PTPRD: variants seen among roughly 807,000 people sequenced by gnomAD.
PTPRD encodes the protein protein tyrosine phosphatase receptor type D.
A neutral mutation model predicts 214.5 loss-of-function variants in PTPRD; 34 were observed. That is an observed-to-expected ratio of 0.16 (90% confidence interval 0.12 to 0.21). The LOEUF is 0.21. Ranked by LOEUF, PTPRD falls within the 10% of genes least tolerant of loss-of-function variation. PTPRD has a pLI of 1.00. For missense variants in PTPRD, 2,545 were observed against 2,398.7 expected, an observed-to-expected ratio of 1.06 and a Z score of -1.27; for synonymous variants, 1,128 against 845.7, an observed-to-expected ratio of 1.33 and a Z score of -5.79.
At position 9,004,720 on chromosome 9, in the gene PTPRD, G is replaced by C. The variant is rs529681712; in HGVS notation, c.-104+13977C>G. Among the ~76,000 whole-genome samples, 8 of 152,172 alleles carry C rather than the reference G, an allele frequency of 5.3e-5. No homozygotes were observed. In the South Asian group the frequency reaches 8.3e-4, roughly 16 times the overall value. On this transcript the variant is annotated intron_variant, in intron 11 of 45. Coordinates refer to ENST00000381196, the MANE Select transcript of PTPRD (RefSeq NM_002839.4). ...GGAGGGCAAAACTGCCTGTATACCA[G>C]AGGTAGGACTGAAAATCAAACCTCC...
intron 10 of PTPRD, among the ~76,000 whole-genome samples, chr9:9,068,745 G>A (rs747689973): frequency 2.6e-5 from 4 of 151,982 alleles, no homozygotes; most frequent in African/African-American, 4.8e-5. Flanking sequence ...CCTAGTAGCT[G>A]GGATTACAGG....
At chr9:10,028,825 G>A (rs185265876) in intron 4 of PTPRD, among the ~76,000 whole-genome samples, 12 of 152,298 alleles carry the variant, frequency 7.9e-5, no homozygotes, top group Admixed American at 7.8e-4. Context: ...ATTCAAGTCG[G>A]CTGCAGACAT....
intron 9 of PTPRD, among the ~76,000 whole-genome samples, chr9:9,223,640 A>G (rs1359531402): frequency 6.6e-6 from 1 of 152,012 alleles, no homozygotes; most frequent in Non-Finnish European, 1.5e-5. Flanking sequence ...ATGAAAGTAG[A>G]CATCATTCCA....
chr9:9,597,099 C>T (rs1182211205), intron 7 of PTPRD, among the ~76,000 whole-genome samples: 1 of 151,918 alleles, frequency 6.6e-6, no homozygotes, highest in Non-Finnish European at 1.5e-5. Flanking sequence ...TGAAAGTAAT[C>T]AGTGAGACAG....
At chr9:9,177,819 A>C (rs1422497739) in intron 10 of PTPRD, among the ~76,000 whole-genome samples, 1 of 152,184 alleles carries the variant, frequency 6.6e-6, no homozygotes, top group African/African-American at 2.4e-5. Flanking sequence ...AGGCATCTTA[A>C]AACATATAAA....
chr9:9,783,554 C>G (rs947988947), intron 5 of PTPRD, among the ~76,000 whole-genome samples: 1 of 152,058 alleles, frequency 6.6e-6, no homozygotes, highest in Non-Finnish European at 1.5e-5. Context: ...TATAATTAAA[C>G]CAAGATGTAC....
intron 34 of PTPRD, among the ~76,000 whole-genome samples, chr9:8,447,590 G>A (rs931112353): frequency 1.3e-5 from 2 of 152,164 alleles, no homozygotes; most frequent in Admixed American, 6.5e-5. Context: ...TCTCTTACCT[G>A]CAGTCACCAG....
intron 4 of PTPRD, among the ~76,000 whole-genome samples, chr9:9,962,372 C>T (rs982547885): frequency 6.6e-6 from 1 of 152,004 alleles, no homozygotes; most frequent in South Asian, 2.1e-4. Context: ...TAAAGAATTA[C>T]CAACAAACAA....
chr9:8,762,182 CAAT>C (rs2094453674), intron 11 of PTPRD, among the ~76,000 whole-genome samples: 1 of 152,084 alleles, frequency 6.6e-6, no homozygotes, highest in Admixed American at 6.5e-5. Context: ...GTATAATTCT[CAAT>C]AATTTTTCCT....
At chr9:9,747,615 C>G (rs1272706388) in intron 6 of PTPRD, among the ~76,000 whole-genome samples, 1 of 150,826 alleles carries the variant, frequency 6.6e-6, no homozygotes, top group South Asian at 2.1e-4. Context: ...GGCACCATCT[C>G]AGCTCACTGC....
chr9:8,418,039 A>G (rs541565959), intron 35 of PTPRD, among the ~76,000 whole-genome samples: 1 of 152,230 alleles, frequency 6.6e-6, no homozygotes, highest in South Asian at 2.1e-4. Context: ...AGGAATTGCC[A>G]TGTTGTGGTG....
chr9:8,361,930 A>G (rs569984543), intron 39 of PTPRD, among the ~76,000 whole-genome samples: 61 of 152,360 alleles, frequency 4.0e-4, no homozygotes, highest in African/African-American at 1.5e-3. Flanking sequence ...TCCAATAGCT[A>G]GGACTGGACT....
intron 10 of PTPRD, among the ~76,000 whole-genome samples, chr9:9,050,882 G>C (rs1240659984): frequency 2.0e-5 from 3 of 151,966 alleles, no homozygotes; most frequent in Non-Finnish European, 4.4e-5. Context: ...ATATGTATAG[G>C]AAAAAACACA....
chr9:8,340,565 C>A (rs746149984), intron 41 of PTPRD, 96 bp from the exon 42 acceptor site: 1 of 1,220,038 alleles, frequency 8.2e-7, no homozygotes, highest in Non-Finnish European at 1.1e-6. Context: ...TAATAAAAAA[C>A]GAAAACATAT....
intron 3 of PTPRD, among the ~76,000 whole-genome samples, chr9:10,127,932 C>T (rs1022928376): frequency 6.6e-6 from 1 of 152,234 alleles, no homozygotes; most frequent in Non-Finnish European, 1.5e-5. Context: ...TGGCAAATCA[C>T]AAATCATATG....
chr9:8,613,712 T>C (rs1197811584), intron 14 of PTPRD, among the ~76,000 whole-genome samples: 2 of 152,132 alleles, frequency 1.3e-5, no homozygotes, highest in African/African-American at 2.4e-5. Context: ...TGAGCCTGAT[T>C]TGGCTGTCTG....
At chr9:9,658,465 T>G (rs1371540823) in intron 7 of PTPRD, among the ~76,000 whole-genome samples, 3 of 152,186 alleles carry the variant, frequency 2.0e-5, no homozygotes, top group African/African-American at 7.2e-5. Flanking sequence ...TCTTTACTGT[T>G]TTTCCGAACA....
intron 11 of PTPRD, among the ~76,000 whole-genome samples, chr9:8,927,385 T>G (rs1171822267): frequency 6.6e-6 from 1 of 151,958 alleles, no homozygotes; most frequent in Non-Finnish European, 1.5e-5. Context: ...CAGGCCCTGG[T>G]GTGTGACGTT....
At chr9:9,488,873 C>G (rs531197845) in intron 8 of PTPRD, among the ~76,000 whole-genome samples, 40 of 152,210 alleles carry the variant, frequency 2.6e-4, no homozygotes, top group African/African-American at 8.9e-4. Flanking sequence ...ACCCAGATTG[C>G]AAGAGTCAGG....
Sources: gnomAD v4.1 joint callset for allele counts (sites outside exome capture counted in the v4.1 genomes callset) on GRCh38, gnomAD v4.1.1 for gene constraint, MANE v1.5 for transcripts, NCBI Gene and HGNC (gene_info 2026-07-23, HGNC 2026-07-21) for gene names.